The following INTS4 variants were observed in gnomAD, a reference collection of about 807,000 sequenced individuals.
INTS4 encodes the protein integrator complex subunit 4.
A neutral mutation model predicts 119.5 loss-of-function variants in INTS4; 70 were observed. That is an observed-to-expected ratio of 0.59 (90% CI 0.48 to 0.71). The LOEUF (loss-of-function observed/expected upper bound fraction) is 0.71, where lower values mean the gene tolerates loss of function less well. Among genes scored for constraint, INTS4 ranks in the 30% least tolerant of loss-of-function variants. INTS4 has a pLI of 0.00. For missense variants in INTS4, 867 were observed against 1,173.2 expected (o/e 0.74, Z 3.81); for synonymous variants, 316 against 419.6 (o/e 0.75, Z 3.02).
intron 11 of INTS4, among the ~76,000 whole-genome samples, chr11:77,925,842 C>G (rs1263908737): frequency 6.6e-6 from 1 of 152,232 alleles, no homozygotes; most frequent in African/African-American, 2.4e-5. Flanking sequence ...TAGAGCCTTT[C>G]CACTAGCTGT....
chr11:77,886,787 A>G (rs114270545), intron 21 of INTS4, among the ~76,000 whole-genome samples: 1,856 of 152,226 alleles, frequency 0.012, 39 homozygotes, highest in African/African-American at 0.042. Flanking sequence ...AGGCCTTGCT[A>G]AGAAACTCAC....
rs139982746 is a variant in INTS4 at position 77,982,390 on chromosome 11, G to A, written c.247-814C>T. 8.0e-3 allele frequency among the ~76,000 whole-genome samples: 1,213 copies of A among 151,934 alleles called. 10 individuals are homozygous for A. The highest frequency in any genetic ancestry group is 0.054 in the Middle Eastern group (16 of 294). ...TGAGCTCAAGCAATCCTCCTGCCTTGGCTTCCCAAAATGCTGGAATTACAG... is the reference window on the plus strand; with the variant it reads ...TGAGCTCAAGCAATCCTCCTGCCTTAGCTTCCCAAAATGCTGGAATTACAG... On this transcript the variant is annotated intron_variant, in intron 2 of 22. Transcript: ENST00000534064.
At chr11:77,939,305 ATC>A (rs1221944497) in intron 9 of INTS4, among the ~76,000 whole-genome samples, 9 of 152,208 alleles carry the variant, frequency 5.9e-5, no homozygotes, top group Non-Finnish European at 1.2e-4. Context: ...GTGAAACTCC[ATC>A]TCTACTATAA....
chr11:77,994,485 C>T, intron 1 of INTS4, 105 bp downstream of exon 1: 1 of 894,196 alleles, frequency 1.1e-6, no homozygotes, highest in Middle Eastern at 2.2e-4. Context: ...CAAGTCAGCA[C>T]TTAACACGGG....
chr11:77,888,761 A>G (rs904752248), intron 21 of INTS4, among the ~76,000 whole-genome samples: 55 of 152,330 alleles, frequency 3.6e-4, no homozygotes, highest in African/African-American at 1.3e-3. Context: ...AAAAGTGGGC[A>G]AAGGATATGA....
rs1473116810 is a variant in INTS4, at chr11:77,991,369, AT to A, written c.55-71del. 4.3e-6 allele frequency: 5 copies of A among 1,168,602 alleles called. No homozygotes were observed. In the Admixed American group the frequency reaches 9.1e-5, roughly 21 times the overall value. 72.4% of individuals were successfully genotyped at this position (1,168,602 alleles called of 1,614,324 possible). On this transcript the variant is annotated intron_variant, in intron 1 of 22. Transcript: ENST00000534064. ...AACTTTGCCTCATTTGGTGGAAATG[AT>A]TTTCCATTATACCAAATAATATATT...
intron 2 of INTS4, among the ~76,000 whole-genome samples, chr11:77,985,910 C>T (rs567421568): frequency 3.3e-5 from 5 of 152,016 alleles, no homozygotes; most frequent in Non-Finnish European, 7.4e-5. Flanking sequence ...ATACTAATGC[C>T]TGATCACAAA....
At chr11:77,901,366 T>C (rs1183912337) in intron 18 of INTS4, 55 bp downstream of exon 18, 26 of 1,584,800 alleles carry the variant, frequency 1.6e-5, no homozygotes, top group Non-Finnish European at 2.2e-5. Flanking sequence ...CTGAATGCAT[T>C]TGAAGTATCT....
Position 77,982,900 on chromosome 11 carries a change from C to G in INTS4, c.247-1324G>C, listed in dbSNP as rs551677046. On this transcript the variant is annotated intron_variant, in intron 2 of 22. Transcript: ENST00000534064. ...CCAGGCACAATAAGGAGGCCTAAAGCAGGAGAAGGGGCAATAGATACAGCG... is the reference window on the plus strand; with the variant it reads ...CCAGGCACAATAAGGAGGCCTAAAGGAGGAGAAGGGGCAATAGATACAGCG... Among the ~76,000 whole-genome samples the G allele has an allele frequency of 9.2e-5, 14 of 152,284 alleles. No individual in the cohort carries two copies. In the South Asian group the frequency reaches 2.9e-3, roughly 32 times the overall value.
chr11:77,928,564 A>G lies in INTS4; in HGVS notation c.1166-17T>C. 6.4e-7 allele frequency: 1 copy of G among 1,551,618 alleles called. No homozygotes were observed. Among genetic ancestry groups the G allele is most frequent in the South Asian group, 1.2e-5 (1 of 84,350 alleles). ...TACGAACCTCTAGAAAAAAGAACAAATGAAATTGCACATCAGGCTGGGCAC... is the reference window on the plus strand; with the variant it reads ...TACGAACCTCTAGAAAAAAGAACAAGTGAAATTGCACATCAGGCTGGGCAC... On this transcript the variant is annotated splice_polypyrimidine_tract_variant and intron_variant, in intron 10 of 22. Coordinates refer to ENST00000534064, the MANE Select transcript of INTS4 (RefSeq NM_033547.4).
intron 15 of INTS4, 43 bp from the exon 16 acceptor site, chr11:77,907,853 A>T (rs1952996843): frequency 8.3e-7 from 1 of 1,211,534 alleles, no homozygotes; most frequent in Admixed American, 1.9e-5. Flanking sequence ...GGATAAGGAT[A>T]ATGCCACCAA....
intron 15 of INTS4, among the ~76,000 whole-genome samples, chr11:77,913,859 A>G (rs1392168634): frequency 6.6e-6 from 1 of 152,138 alleles, no homozygotes; most frequent in East Asian, 1.9e-4. Context: ...ACATGGCTCC[A>G]GTCCTCATCA....
At chr11:77,969,338 GGTATGTATGTATAGGC>G (rs773298414) in intron 4 of INTS4, among the ~76,000 whole-genome samples, 5 of 151,706 alleles carry the variant, frequency 3.3e-5, no homozygotes, top group Non-Finnish European at 5.9e-5. Context: ...ACAAATCAAT[GGTATGTATGTATAGGC>G]GTATGTATGT....
intron 10 of INTS4, among the ~76,000 whole-genome samples, chr11:77,932,550 G>A (rs1240646414): frequency 2.8e-4 from 42 of 152,314 alleles, no homozygotes; most frequent in South Asian, 2.1e-4. Context: ...ACAGTGTAAC[G>A]ATTCCTCAAG....
intron 22 of INTS4, 90 bp downstream of exon 22, chr11:77,883,742 T>A: frequency 7.2e-7 from 1 of 1,379,890 alleles, no homozygotes; most frequent in Non-Finnish European, 9.9e-7. Context: ...CATCCATGTA[T>A]TTTTTTCAAA....
chr11:77,928,715 A>G (rs1483745632), intron 10 of INTS4, among the ~76,000 whole-genome samples, 168 bp from the exon 11 acceptor site: 2 of 152,168 alleles, frequency 1.3e-5, no homozygotes, highest in Non-Finnish European at 2.9e-5. Context: ...TGGGTGTGGT[A>G]GCGTGCGCCT....
chr11:77,878,853 C>A lies in INTS4; in HGVS notation c.*96G>T. ...CTGTAAGGGTCACATACTCCTTAAG[C>A]CTACACATCAATTCCAGGTGAAGTG... On this transcript the variant is annotated 3_prime_UTR_variant, in exon 23 of 23. Transcript: ENST00000534064. 1.1e-6 allele frequency: 1 copy of A among 872,122 alleles called. No individual in the cohort carries two copies. The highest frequency in any genetic ancestry group is 2.0e-6 in the Non-Finnish European group (1 of 510,420). The allele number at this position is 872,122 out of a possible 1,614,324, so 54.0% of individuals were successfully genotyped here. A position where few individuals can be genotyped will look rare whatever the true frequency, so the allele number is the denominator to read the frequency against.
At chr11:77,934,055 C>T (rs201000855) in intron 10 of INTS4, among the ~76,000 whole-genome samples, 1 of 135,770 alleles carries the variant, frequency 7.4e-6, no homozygotes, top group Non-Finnish European at 1.6e-5. Flanking sequence ...TAAGAAAAAT[C>T]TTCTGCCTTG....
At chr11:77,888,996 C>T (rs1463825029) in intron 21 of INTS4, among the ~76,000 whole-genome samples, 1 of 152,180 alleles carries the variant, frequency 6.6e-6, no homozygotes, top group South Asian at 2.1e-4. Context: ...ACTAGTTCAA[C>T]CATTGTGGAT....
Sources: gnomAD v4.1 joint callset for allele counts (sites outside exome capture counted in the v4.1 genomes callset) on GRCh38, gnomAD v4.1.1 for gene constraint, MANE v1.5 for transcripts, NCBI Gene and HGNC (gene_info 2026-07-23, HGNC 2026-07-21) for gene names.